CPVL: variants seen among roughly 807,000 people sequenced by gnomAD.
The protein encoded by CPVL is carboxypeptidase vitellogenic like.
CPVL carries 51 observed loss-of-function variants against 63.7 expected under a neutral mutation model. That is an observed-to-expected ratio of 0.80 (90% CI 0.64 to 1.01). CPVL has a LOEUF of 1.01. Among genes scored for constraint, CPVL ranks in the 50% least tolerant of loss-of-function variants. The pLI, the probability that CPVL is intolerant of heterozygous loss-of-function variation, is 0.00. For missense variants in CPVL, 530 were observed against 573.1 expected (o/e 0.92, Z 0.77); for synonymous variants, 195 against 206.0 (o/e 0.95, Z 0.46).
At chr7:29,032,073 G>C (rs952395951) in intron 11 of CPVL, among the ~76,000 whole-genome samples, 2 of 151,948 alleles carry the variant, frequency 1.3e-5, no homozygotes, top group Non-Finnish European at 2.9e-5. Context: ...CCAACAAAGA[G>C]GTCGGCCTCA....
rs369717141 is a variant in CPVL, at chr7:28,995,906, C to T, written c.1321-24G>A. The T allele has an allele frequency of 9.5e-4, 1,307 of 1,374,382 alleles. 3 individuals carry two copies. Among genetic ancestry groups the T allele is most frequent in the Non-Finnish European group, 1.1e-3 (1,066 of 990,530 alleles). The allele number at this position is 1,374,382 out of a possible 1,614,324, so 85.1% of individuals were successfully genotyped here. ...ACCTTAAAAAGAAAAAGTAAAAGAA[C>T]GGAAATTTAGAGAAATGGATATTCT... On this transcript the variant is annotated intron_variant, in intron 12 of 12. Transcript: ENST00000265394.
chr7:29,172,855 G>A (rs542476121), intron 5 of CPVL, among the ~76,000 whole-genome samples: 1 of 151,994 alleles, frequency 6.6e-6, no homozygotes, highest in East Asian at 1.9e-4. Flanking sequence ...AAAAATGCTG[G>A]ATAAGGCCGA....
At chr7:29,143,325 A>G (rs1039709221) in intron 1 of CPVL, among the ~76,000 whole-genome samples, 10 of 152,216 alleles carry the variant, frequency 6.6e-5, no homozygotes, top group African/African-American at 2.4e-4. Flanking sequence ...AGTAGGAACT[A>G]ATCAATGCCA....
rs1186568056 is a variant in CPVL at position 29,094,657 on chromosome 7, G to A, written c.462+427C>T. Among the ~76,000 whole-genome samples, 39 of 152,054 alleles carry A rather than the reference G, an allele frequency of 2.6e-4. 1 individual carries two copies. The highest frequency in any genetic ancestry group is 8.8e-5 in the Non-Finnish European group (6 of 68,020). Reference sequence around the variant, plus strand: ...AGGTCAGGAGTTTGAGACCAGACTGGCTAACATGGTGAACACCCCCCACCC... The same window carrying A: ...AGGTCAGGAGTTTGAGACCAGACTGACTAACATGGTGAACACCCCCCACCC... On this transcript the variant is annotated intron_variant, in intron 5 of 12. Transcript: ENST00000265394.
intron 11 of CPVL, among the ~76,000 whole-genome samples, chr7:29,058,337 T>G (rs75892238): frequency 1.5e-4 from 23 of 152,144 alleles, no homozygotes; most frequent in Non-Finnish European, 2.9e-4. Flanking sequence ...TGGGAGTACA[T>G]AGGAAAGTGA....
chr7:29,079,673 C>A (rs1196443548), intron 7 of CPVL, among the ~76,000 whole-genome samples: 2 of 152,172 alleles, frequency 1.3e-5, no homozygotes, highest in African/African-American at 4.8e-5. Context: ...ATTACATGAT[C>A]CCAAGCCCAG....
intron 11 of CPVL, among the ~76,000 whole-genome samples, chr7:29,042,002 C>T (rs1789136380): frequency 6.6e-6 from 1 of 152,068 alleles, no homozygotes; most frequent in Non-Finnish European, 1.5e-5. Flanking sequence ...TTCTATTGGA[C>T]AGCACTGCTA....
In CPVL at chr7:28,995,900, A is replaced by C. The variant is rs764493990; in HGVS notation, c.1321-18T>G. The C allele has an allele frequency of 7.1e-7, 1 of 1,407,770 alleles. No individual in the cohort carries two copies. Among genetic ancestry groups the C allele is most frequent in the South Asian group, 1.2e-5 (1 of 80,524 alleles). 87.2% of individuals were successfully genotyped at this position (1,407,770 alleles called of 1,614,324 possible). ...ATAATTACCTTAAAAAGAAAAAGTAAAAGAACGGAAATTTAGAGAAATGGA... is the reference window on the plus strand; with the variant it reads ...ATAATTACCTTAAAAAGAAAAAGTACAAGAACGGAAATTTAGAGAAATGGA... On this transcript the variant is annotated intron_variant, in intron 12 of 12. Coordinates refer to ENST00000265394, the MANE Select transcript of CPVL (RefSeq NM_031311.5).
intron 11 of CPVL, among the ~76,000 whole-genome samples, chr7:29,053,079 G>A (rs1320071601): frequency 2.6e-5 from 4 of 152,048 alleles, no homozygotes; most frequent in Non-Finnish European, 5.9e-5. Flanking sequence ...TCATCATTAG[G>A]GAAATGCCAA....
At chr7:29,082,555 G>GT (rs1266820549) in intron 7 of CPVL, 2 of 151,984 alleles carry the variant, frequency 1.3e-5, no homozygotes, top group Non-Finnish European at 2.9e-5. Context: ...ATTATTTAGT[G>GT]TTTTTTCTTC....
Position 29,187,823 on chromosome 7 carries a change from G to A in CPVL, c.-447-1276C>T, listed in dbSNP as rs79100732. On this transcript the variant is annotated intron_variant, in intron 1 of 16. Coordinates refer to the CPVL transcript ENST00000409850. ...AATACACAGTTAAAAACTACCTGCC[G>A]TGCAGAATATAATTGAGTGCTAATA... is the stretch of plus-strand genomic sequence containing the variant. Among the ~76,000 whole-genome samples, 1,198 of 152,248 alleles carry A rather than the reference G, an allele frequency of 7.9e-3. 19 individuals carry two copies. The highest frequency in any genetic ancestry group is 0.027 in the African/African-American group (1,137 of 41,530).
intron 12 of CPVL, among the ~76,000 whole-genome samples, chr7:29,006,567 A>C (rs769739070): frequency 3.3e-5 from 5 of 152,158 alleles, no homozygotes; most frequent in Non-Finnish European, 5.9e-5. Context: ...TCTTCCATTT[A>C]TATCAGAGCA....
intron 11 of CPVL, among the ~76,000 whole-genome samples, chr7:29,060,416 T>C (rs887196136): frequency 1.3e-5 from 2 of 152,332 alleles, no homozygotes; most frequent in African/African-American, 4.8e-5. Context: ...CCATACTCTA[T>C]TAACCAGCTA....
At chr7:29,121,560 C>A (rs547051630) in intron 1 of CPVL, among the ~76,000 whole-genome samples, 2 of 152,238 alleles carry the variant, frequency 1.3e-5, no homozygotes, top group African/African-American at 4.8e-5. Flanking sequence ...TGGTAGAAAC[C>A]ATTATGCCAC....
intron 7 of CPVL, 44 bp from the exon 8 acceptor site, chr7:29,072,467 T>C (rs370001308): frequency 1.4e-4 from 229 of 1,601,988 alleles, no homozygotes; most frequent in Non-Finnish European, 1.9e-4. Flanking sequence ...AAATGGATGC[T>C]AGTAAAATTA....
At chr7:29,098,234 G>A (rs978879240) in intron 3 of CPVL, among the ~76,000 whole-genome samples, 4 of 152,196 alleles carry the variant, frequency 2.6e-5, no homozygotes, top group Admixed American at 1.3e-4. Context: ...AAGAGAAGGT[G>A]ACTGGGATGC....
At chr7:29,155,924 C>G (rs1043687340) in intron 5 of CPVL, among the ~76,000 whole-genome samples, 2 of 152,182 alleles carry the variant, frequency 1.3e-5, no homozygotes, top group African/African-American at 4.8e-5. Context: ...GGCCCTGAGC[C>G]GATAGATCTA....
intron 6 of CPVL, among the ~76,000 whole-genome samples, chr7:29,087,762 G>A (rs1261015697): frequency 6.6e-6 from 1 of 152,160 alleles, no homozygotes; most frequent in Non-Finnish European, 1.5e-5. Flanking sequence ...TTACAAAGAG[G>A]CAAAATTGGG....
In CPVL at chr7:29,091,690, G is replaced by C. The variant is rs2075129; in HGVS notation, c.542+933C>G. 3.3e-5 allele frequency among the ~76,000 whole-genome samples: 5 copies of C among 152,118 alleles called. 1 individual carries two copies. The highest frequency in any genetic ancestry group is 7.4e-5 in the Non-Finnish European group (5 of 68,024). ...AACATGTGAAAAACAAACAAAAGTG[G>C]AGAAGACAACAGCCATATTCTTTTC... On this transcript the variant is annotated intron_variant, in intron 6 of 12. Transcript: ENST00000265394.
Sources: allele counts gnomAD v4.1 joint callset (sites outside exome capture counted in the v4.1 genomes callset), GRCh38; gene constraint gnomAD v4.1.1; transcripts MANE v1.5; gene names NCBI Gene and HGNC (gene_info 2026-07-23, HGNC 2026-07-21).